KRIT1: variants seen among roughly 807,000 people sequenced by gnomAD.
KRIT1 encodes the protein krev interaction trapped protein 1.
In KRIT1, 45 loss-of-function variants were observed where a neutral mutation model predicts 95.8. The observed-to-expected ratio is 0.47, with a 90% CI of 0.37 to 0.60. The LOEUF is 0.60. Among genes scored for constraint, KRIT1 ranks in the 20% least tolerant of loss-of-function variants. The pLI is 0.00. For missense variants in KRIT1, 788 were observed against 877.5 expected, an observed-to-expected ratio of 0.90 and a Z score of 1.29; for synonymous variants, 282 against 278.8, an observed-to-expected ratio of 1.01 and a Z score of -0.11.
chr7:92,213,912 G>T lies in KRIT1; in HGVS notation c.1798C>A (p.Arg600Ser). 1 of 1,603,354 alleles carries T rather than the reference G, an allele frequency of 6.2e-7. No homozygotes were observed. Among genetic ancestry groups the T allele is most frequent in the South Asian group, 1.1e-5 (1 of 90,820 alleles). The change falls in exon 16 of 19, where the codon CGC becomes AGC. Residue 600 changes from arginine (R) to serine (S), a missense_variant. This residue lies in a region of KRIT1 where 493 missense variants were observed against 582.3 expected (regional missense o/e 0.85). Transcript: ENST00000394505. ...LKSKAPHWTN[R>S]ILHEYKNLST... ...CTTACCTTGTATTCATGAAGTATGC[G>T]ATTTGTCCAGTGAGGTGCCTTACTT... is the stretch of plus-strand genomic sequence containing the variant.
At chr7:92,232,956 G>A (rs1430532219) in intron 10 of KRIT1, among the ~76,000 whole-genome samples, 3 of 152,132 alleles carry the variant, frequency 2.0e-5, no homozygotes, top group African/African-American at 7.2e-5. Context: ...GCCTCCCAAA[G>A]TGCTGGGATT....
At chr7:92,224,868 C>T (rs949653511) in intron 12 of KRIT1, among the ~76,000 whole-genome samples, 9 of 152,110 alleles carry the variant, frequency 5.9e-5, no homozygotes, top group East Asian at 1.9e-4. Context: ...ATTAAAATTA[C>T]GTGTAATCAG....
At chr7:92,221,791 T>C (rs1192010244) in intron 14 of KRIT1, 111 bp downstream of exon 14, 32 of 864,804 alleles carry the variant, frequency 3.7e-5, no homozygotes, top group Non-Finnish European at 5.6e-5. Flanking sequence ...ATCACAGGGA[T>C]GTAAGGATCG....
At chr7:92,236,131 C>A (rs181944811) in intron 7 of KRIT1, 54 of 316,528 alleles carry the variant, frequency 1.7e-4, no homozygotes, top group Non-Finnish European at 2.5e-4. Flanking sequence ...ATAAGAGTAA[C>A]TCAATATTAA....
chr7:92,221,754 A>G (rs1795196736), intron 14 of KRIT1, 148 bp downstream of exon 14: 1 of 679,086 alleles, frequency 1.5e-6, no homozygotes, highest in Admixed American at 2.3e-5. Context: ...GGGCTTTGTA[A>G]GTAGATCAAC....
In KRIT1 at chr7:92,244,497, C is replaced by T. The variant is rs180777199; in HGVS notation, c.-150-348G>A. 3.3e-5 allele frequency among the ~76,000 whole-genome samples: 5 copies of T among 152,210 alleles called. No homozygotes were observed. The South Asian group carries it at 8.3e-4, about 25-fold the overall frequency. ...AAACCAAATACTTTTTTACCATATC[C>T]CCAAAATATTCTTAAAATTCATTTT... On this transcript the variant is annotated intron_variant, in intron 2 of 18. Coordinates refer to ENST00000394505, the MANE Select transcript of KRIT1 (RefSeq NM_194454.3).
intron 17 of KRIT1, among the ~76,000 whole-genome samples, chr7:92,201,733 C>T (rs1023964203): frequency 6.6e-6 from 1 of 151,956 alleles, no homozygotes; most frequent in African/African-American, 2.4e-5. Context: ...CCCCTCCCTG[C>T]GTCCAAGTAT....
chr7:92,226,401 A>G (rs753508293), intron 11 of KRIT1, 125 bp downstream of exon 11: 108 of 760,070 alleles, frequency 1.4e-4, no homozygotes, highest in Non-Finnish European at 2.3e-4. Flanking sequence ...TACTTATTCT[A>G]TAAAGTAATG....
At chr7:92,213,133 G>C in intron 17 of KRIT1, 62 bp downstream of exon 17, 1 of 1,099,242 alleles carries the variant, frequency 9.1e-7, no homozygotes, top group East Asian at 2.4e-5. Context: ...TCTTCATGTA[G>C]GTTGGTACTG....
At chr7:92,208,302 A>T (rs1249084027) in intron 17 of KRIT1, among the ~76,000 whole-genome samples, 1 of 152,040 alleles carries the variant, frequency 6.6e-6, no homozygotes, top group East Asian at 1.9e-4. Flanking sequence ...CTAGAAAAGC[A>T]AGAAAAAACC....
rs919957227 is a variant in KRIT1 at position 92,241,359 on chromosome 7, C to A, written c.103-207G>T. Among the ~76,000 whole-genome samples the A allele has an allele frequency of 2.6e-5, 4 of 152,284 alleles. 1 individual carries two copies. On this transcript the variant is annotated intron_variant, in intron 4 of 18. Coordinates refer to ENST00000394505, the MANE Select transcript of KRIT1 (RefSeq NM_194454.3). ...ACAGTTTTAAGATGCTTCTACAGTG[C>A]AGCCAGGAGTGAGAAATGGTAAGCC...
intron 17 of KRIT1, among the ~76,000 whole-genome samples, chr7:92,211,629 T>C (rs893435305): frequency 1.3e-5 from 2 of 152,192 alleles, no homozygotes; most frequent in East Asian, 3.8e-4. Flanking sequence ...AATAATTTAT[T>C]GTATATTTCA....
chr7:92,212,983 T>C (rs1793195405), intron 17 of KRIT1, among the ~76,000 whole-genome samples: 1 of 152,196 alleles, frequency 6.6e-6, no homozygotes, highest in South Asian at 2.1e-4. Flanking sequence ...CTCTTTATTC[T>C]TTTTTATGGC....
chr7:92,244,482 C>CT (rs1210046356), intron 2 of KRIT1, among the ~76,000 whole-genome samples: 5 of 152,192 alleles, frequency 3.3e-5, no homozygotes, highest in African/African-American at 9.7e-5. Flanking sequence ...AAACCAAATA[C>CT]TTTTTTACCA....
chr7:92,201,314 GTATGTAC>G lies in KRIT1; in HGVS notation c.2128_2134del (p.Val710GlnfsTer8). 1 of 1,381,390 alleles carries G rather than the reference GTATGTAC, an allele frequency of 7.2e-7. No homozygotes were observed. The highest frequency in any genetic ancestry group is 1.0e-6 in the Non-Finnish European group (1 of 968,486). The allele number at this position is 1,381,390 out of a possible 1,614,324, so 85.6% of individuals were successfully genotyped here. ...AAAATAAATGATACTTACCTGTTTTGTATGTACTATAAAGCTCATTTTATTTTCCATG... is the reference window on the plus strand; with the variant it reads ...AAAATAAATGATACTTACCTGTTTTGTATAAAGCTCATTTTATTTTCCATG... On this transcript the variant is annotated frameshift_variant, in exon 18 of 19. Transcript: ENST00000394505. LOFTEE classifies it high-confidence loss of function.
At chr7:92,217,244 C>G (rs1229078508) in intron 14 of KRIT1, among the ~76,000 whole-genome samples, 2 of 152,150 alleles carry the variant, frequency 1.3e-5, no homozygotes, top group Non-Finnish European at 2.9e-5. Flanking sequence ...GATTTTATAG[C>G]TATCATACAT....
intron 17 of KRIT1, among the ~76,000 whole-genome samples, chr7:92,204,324 C>T (rs1040505912): frequency 2.9e-4 from 44 of 151,534 alleles, no homozygotes; most frequent in African/African-American, 9.9e-4. Flanking sequence ...GCAAGGTGAC[C>T]GCAAGAGAGC....
chr7:92,203,065 T>C (rs1428178904), intron 17 of KRIT1, among the ~76,000 whole-genome samples: 2 of 152,326 alleles, frequency 1.3e-5, no homozygotes, highest in Admixed American at 6.5e-5. Flanking sequence ...TATAGTTACT[T>C]CTCAATTATA....
chr7:92,240,551 T>C (rs926155158), intron 5 of KRIT1, among the ~76,000 whole-genome samples: 5 of 152,214 alleles, frequency 3.3e-5, no homozygotes, highest in Admixed American at 1.3e-4. Flanking sequence ...TCAGGGTTAA[T>C]ACTTCCACAA....
Sources: allele counts gnomAD v4.1 joint callset (sites outside exome capture counted in the v4.1 genomes callset), GRCh38; gene constraint gnomAD v4.1.1; regional missense constraint gnomAD v4.1.1; transcripts MANE v1.5; gene names NCBI Gene and HGNC (gene_info 2026-07-23, HGNC 2026-07-21).